BPTF: variants seen among roughly 807,000 people sequenced by gnomAD.
BPTF encodes bromodomain PHD finger transcription factor.
Under a neutral mutation model 292.5 loss-of-function variants are expected in BPTF, and 18 were observed. That is an observed-to-expected ratio of 0.06 (90% CI 0.04 to 0.09). The LOEUF is 0.09. BPTF is among the 10% of genes least tolerant of loss of function. The probability of loss-of-function intolerance (pLI) is 1.00; values close to 1 mark genes in which losing one functional copy is unlikely to be tolerated. For missense variants in BPTF, 2,726 were observed against 3,498.7 expected, an observed-to-expected ratio of 0.78 and a Z score of 5.57; for synonymous variants, 1,225 against 1,251.9, an observed-to-expected ratio of 0.98 and a Z score of 0.45.
At chr17:67,881,490 GGTTT>G (rs1166220837) in intron 4 of BPTF, among the ~76,000 whole-genome samples, 8 of 83,150 alleles carry the variant, frequency 9.6e-5, no homozygotes, top group Admixed American at 1.8e-4. Context: ...CCATAATCAA[GGTTT>G]TTTTTTTTTT....
intron 11 of BPTF, among the ~76,000 whole-genome samples, chr17:67,917,155 TAG>T (rs1485359559): frequency 5.4e-5 from 8 of 146,970 alleles, no homozygotes; most frequent in African/African-American, 2.0e-4. Flanking sequence ...TTTTTTGAGA[TAG>T]AGTCTCACAC....
chr17:67,838,942 A>C (rs1313334792), intron 1 of BPTF, among the ~76,000 whole-genome samples: 1 of 152,214 alleles, frequency 6.6e-6, no homozygotes, highest in African/African-American at 2.4e-5. Flanking sequence ...TTTAGTATTT[A>C]GCCACCTATT....
chr17:67,959,487 C>A, intron 23 of BPTF, 54 bp from the exon 24 acceptor site: 1 of 1,391,132 alleles, frequency 7.2e-7, no homozygotes, highest in Non-Finnish European at 9.6e-7. Context: ...CTGGCCAGAT[C>A]ACACATTTAC....
chr17:67,982,355 G>T lies in BPTF; in HGVS notation c.*67G>T. The T allele has an allele frequency of 6.9e-7, 1 of 1,449,862 alleles. No individual in the cohort carries two copies. Among genetic ancestry groups the T allele is most frequent in the African/African-American group, 1.4e-5 (1 of 71,172 alleles). The allele number at this position is 1,449,862 out of a possible 1,614,324, so 89.8% of individuals were successfully genotyped here. On this transcript the variant is annotated 3_prime_UTR_variant, in exon 28 of 28. Coordinates refer to ENST00000306378, the MANE Select transcript of BPTF (RefSeq NM_182641.4). ...GGTTGTCTGAACTATTTTAAATTAA[G>T]GAGCCAGATGTTTTTAGTCAGGCTA...
intron 23 of BPTF, among the ~76,000 whole-genome samples, chr17:67,950,475 G>C (rs932286348): frequency 6.6e-6 from 1 of 151,916 alleles, no homozygotes; most frequent in African/African-American, 2.4e-5. Context: ...AAAAATTGAG[G>C]AAAGAAGACA....
intron 18 of BPTF, among the ~76,000 whole-genome samples, chr17:67,932,460 G>A (rs1418444740): frequency 6.6e-6 from 1 of 152,192 alleles, no homozygotes; most frequent in Non-Finnish European, 1.5e-5. Context: ...ACTTTGGAAG[G>A]CCAAGACAGG....
intron 7 of BPTF, among the ~76,000 whole-genome samples, chr17:67,898,021 A>G (rs954852343): frequency 6.6e-6 from 1 of 152,230 alleles, no homozygotes; most frequent in Non-Finnish European, 1.5e-5. Context: ...AATTGGCTTC[A>G]CCTTAGACAC....
At chr17:67,910,102 C>T (rs2062551432) in intron 10 of BPTF, among the ~76,000 whole-genome samples, 1 of 152,160 alleles carries the variant, frequency 6.6e-6, no homozygotes, top group South Asian at 2.1e-4. Context: ...TTGGACAGTC[C>T]ATAGAAATGG....
intron 18 of BPTF, among the ~76,000 whole-genome samples, chr17:67,935,352 A>C (rs943754335): frequency 3.9e-5 from 6 of 152,104 alleles, no homozygotes; most frequent in Non-Finnish European, 7.4e-5. Context: ...ACATGGGCCC[A>C]AGAGGTCAAG....
At chr17:67,896,468 T>TG (rs1568004447) in intron 7 of BPTF, among the ~76,000 whole-genome samples, 3 of 148,248 alleles carry the variant, frequency 2.0e-5, no homozygotes, top group Non-Finnish European at 4.5e-5. Flanking sequence ...AACTAGAAAC[T>TG]GTCCCCCCAG....
At chr17:67,936,576 G>T (rs2064935006) in intron 18 of BPTF, 1 of 152,152 alleles carries the variant, frequency 6.6e-6, no homozygotes, top group Non-Finnish European at 1.5e-5. Flanking sequence ...CTCTTCTCCA[G>T]GGTTTTGCCA....
intron 23 of BPTF, chr17:67,951,068 C>G (rs2066309694): frequency 6.6e-6 from 1 of 152,142 alleles, no homozygotes; most frequent in African/African-American, 2.4e-5. Context: ...CTTAGTCTCC[C>G]AAAGTCCTGG....
chr17:67,980,718 G>T (rs2070242435), intron 27 of BPTF, among the ~76,000 whole-genome samples: 1 of 152,146 alleles, frequency 6.6e-6, no homozygotes, highest in South Asian at 2.1e-4. Flanking sequence ...TGGAGGCCTA[G>T]GCTGGGCCTG....
intron 18 of BPTF, among the ~76,000 whole-genome samples, chr17:67,934,814 G>T (rs1340985737): frequency 7.1e-6 from 1 of 140,976 alleles, no homozygotes; most frequent in Non-Finnish European, 1.5e-5. Context: ...AGAGGTCATG[G>T]TGAGCCAAGA....
At chr17:67,942,973 C>A (rs2065500991) in intron 19 of BPTF, among the ~76,000 whole-genome samples, 1 of 152,164 alleles carries the variant, frequency 6.6e-6, no homozygotes, top group Non-Finnish European at 1.5e-5. Context: ...GGAGGGGGCA[C>A]TATTCCCATT....
chr17:67,884,769 G>A (rs2060644559), intron 4 of BPTF, among the ~76,000 whole-genome samples: 1 of 151,816 alleles, frequency 6.6e-6, no homozygotes, highest in Non-Finnish European at 1.5e-5. Flanking sequence ...ATACTCCAAT[G>A]AATAGCTAGC....
chr17:67,945,783 C>T lies in BPTF; in HGVS notation c.7075C>T (p.Leu2359=). ...AATACGTCCATCAACTCCATCCCAA[C>T]TGTCTCCTGGACAACAATCCCAGGT... ...TRIRPSTPSQ[L]SPGQQSQVQT... is the part of the protein sequence containing the mutation. Residue 2359 remains leucine (L), a synonymous_variant, in exon 21 of 28, where the codon CTG becomes TTG. Coordinates refer to ENST00000306378, the MANE Select transcript of BPTF (RefSeq NM_182641.4). The T allele has an allele frequency of 1.9e-6, 3 of 1,614,224 alleles. No individual in the cohort carries two copies. Among genetic ancestry groups the T allele is most frequent in the East Asian group, 2.2e-5 (1 of 44,890 alleles).
At chr17:67,901,888 G>A (rs571735217) in intron 7 of BPTF, among the ~76,000 whole-genome samples, 1 of 152,168 alleles carries the variant, frequency 6.6e-6, no homozygotes, top group African/African-American at 2.4e-5. Context: ...GATATAGGGG[G>A]GTACTCCCCA....
intron 15 of BPTF, among the ~76,000 whole-genome samples, chr17:67,927,642 A>G (rs1001764981): frequency 5.3e-5 from 8 of 152,088 alleles, no homozygotes; most frequent in African/African-American, 7.2e-5. Context: ...TCTGAATCTC[A>G]CCGCTGAGCA....
Sources: allele counts gnomAD v4.1 joint callset (sites outside exome capture counted in the v4.1 genomes callset), GRCh38; gene constraint gnomAD v4.1.1; transcripts MANE v1.5; gene names NCBI Gene and HGNC (gene_info 2026-07-23, HGNC 2026-07-21).